The following CFAP20DC variants were observed in gnomAD, a reference collection of about 807,000 sequenced individuals.
The protein encoded by CFAP20DC is CFAP20 domain containing.
A neutral mutation model predicts 101.7 loss-of-function variants in CFAP20DC; 84 were observed. The observed-to-expected ratio is 0.83, with a 90% CI of 0.69 to 0.99. CFAP20DC has a LOEUF of 0.99. CFAP20DC is among the 50% of genes least tolerant of loss of function. The pLI is 0.00. For synonymous variants in CFAP20DC, 359 were observed against 351.2 expected (o/e 1.02, Z -0.25); for missense variants, 1,007 against 970.3 (o/e 1.04, Z -0.50).
chr3:59,036,412 C>A (rs188140706), intron 4 of CFAP20DC, among the ~76,000 whole-genome samples: 1,787 of 151,890 alleles, frequency 0.012, 35 homozygotes, highest in African/African-American at 0.041. Context: ...CGTCTCAGCC[C>A]AAAAACTTAA....
At chr3:58,965,189 G>T (rs575298110) in intron 4 of CFAP20DC, among the ~76,000 whole-genome samples, 25 of 152,220 alleles carry the variant, frequency 1.6e-4, no homozygotes, top group African/African-American at 5.3e-4. Flanking sequence ...AGACACCAAG[G>T]CTCGAAGGTG....
At chr3:58,877,632 G>A (rs571132214) in intron 7 of CFAP20DC, among the ~76,000 whole-genome samples, 13 of 152,310 alleles carry the variant, frequency 8.5e-5, no homozygotes, top group South Asian at 8.3e-4. Context: ...GCCTCTTTGT[G>A]TGTGTGTGTG....
intron 14 of CFAP20DC, among the ~76,000 whole-genome samples, chr3:58,810,710 T>G (rs200093181): frequency 0.067 from 9,193 of 138,112 alleles, 643 homozygotes; most frequent in East Asian, 0.24. Flanking sequence ...CCAGGGCAAT[T>G]AGGCAGGAGA....
At chr3:58,829,320 CAA>C (rs551685231) in intron 14 of CFAP20DC, among the ~76,000 whole-genome samples, 12 of 59,644 alleles carry the variant, frequency 2.0e-4, no homozygotes, top group Admixed American at 3.4e-4. Context: ...GACTCAGTCT[CAA>C]AAAAAAAAAA....
At chr3:58,937,558 TAAC>T in intron 5 of CFAP20DC, 87 bp downstream of exon 5, 3 of 821,840 alleles carry the variant, frequency 3.7e-6, no homozygotes, top group Non-Finnish European at 6.3e-6. Context: ...CCATCGTACT[TAAC>T]AAAGTACCTC....
chr3:59,038,680 A>C (rs2094145670), intron 4 of CFAP20DC, among the ~76,000 whole-genome samples: 1 of 152,094 alleles, frequency 6.6e-6, no homozygotes, highest in African/African-American at 2.4e-5. Context: ...GTGATCTTTC[A>C]TGTTGTAATT....
chr3:58,762,870 C>A (rs1044818342), intron 15 of CFAP20DC, among the ~76,000 whole-genome samples: 1 of 152,226 alleles, frequency 6.6e-6, no homozygotes, highest in Non-Finnish European at 1.5e-5. Flanking sequence ...TTGGCCCCCA[C>A]TCTCTTCTGG....
chr3:58,797,098 G>T (rs940560615), intron 15 of CFAP20DC, among the ~76,000 whole-genome samples: 1 of 152,160 alleles, frequency 6.6e-6, no homozygotes, highest in Non-Finnish European at 1.5e-5. Context: ...TAACCCTACA[G>T]TGGACCCTGA....
chr3:58,763,932 G>GT (rs1188706064), intron 15 of CFAP20DC, among the ~76,000 whole-genome samples: 1 of 152,226 alleles, frequency 6.6e-6, no homozygotes, highest in African/African-American at 2.4e-5. Flanking sequence ...GCCATGTGAG[G>GT]TGTCAGTCTG....
intron 4 of CFAP20DC, among the ~76,000 whole-genome samples, chr3:58,976,437 A>C (rs1051630366): frequency 6.6e-6 from 1 of 152,190 alleles, no homozygotes; most frequent in African/African-American, 2.4e-5. Flanking sequence ...GCACCAGCTG[A>C]GGAAAGCTAT....
intron 7 of CFAP20DC, among the ~76,000 whole-genome samples, chr3:58,878,779 A>AG (rs2080978677): frequency 6.6e-6 from 1 of 152,070 alleles, no homozygotes. Context: ...TGGGAGGCTG[A>AG]GGGGGGCGGA....
chr3:58,913,255 T>TG lies in CFAP20DC; in HGVS notation c.550+452dup, dbSNP rs1291398290. On this transcript the variant is annotated intron_variant, in intron 6 of 16. Coordinates refer to ENST00000482387, the MANE Select transcript of CFAP20DC (RefSeq NM_001394063.1). The surrounding 1 kb of genome is among the most constrained non-coding windows in gnomAD (Gnocchi z 4.4). The stretch of plus-strand genomic sequence containing the variant: ...GTATAGTTGCAGTAGCTACTGGCAG[T>TG]GGGTGGAGGTGGCAAATGGATGGGG... 1.3e-5 allele frequency among the ~76,000 whole-genome samples: 2 copies of TG among 152,080 alleles called. No individual in the cohort carries two copies. The highest frequency in any genetic ancestry group is 2.4e-5 in the African/African-American group (1 of 41,402).
At position 58,809,031 on chromosome 3, in the gene CFAP20DC, T is replaced by G. The variant is rs566079274; in HGVS notation, c.2176-2575A>C. Among the ~76,000 whole-genome samples the G allele has an allele frequency of 6.6e-5, 10 of 152,088 alleles. 1 individual carries two copies. In the South Asian group the frequency reaches 2.1e-3, roughly 32 times the overall value. On this transcript the variant is annotated intron_variant, in intron 14 of 16. Transcript: ENST00000482387. ...AAGAGCTAACTATCCTAAATATATA[T>G]GCACCCAATACAGGAGCACCCAGAT...
Position 58,913,993 on chromosome 3 carries a change from T to A in CFAP20DC, c.394-129A>T. Reference sequence around the variant, plus strand: ...TCAACAAGCCCCAAACTAATTTTCCTCTTTAGGTAAACTTATCTCTGTTTT... The same window carrying A: ...TCAACAAGCCCCAAACTAATTTTCCACTTTAGGTAAACTTATCTCTGTTTT... On this transcript the variant is annotated intron_variant, in intron 5 of 16. Transcript: ENST00000482387. This position sits in a 1 kb window ranked among gnomAD's most constrained non-coding sequence, Gnocchi z 4.4. 2.1e-6 allele frequency: 2 copies of A among 931,318 alleles called. No homozygotes were observed. The highest frequency in any genetic ancestry group is 1.6e-6 in the Non-Finnish European group (1 of 625,616). 57.7% of individuals were successfully genotyped at this position (931,318 alleles called of 1,614,324 possible). A position where few individuals can be genotyped will look rare whatever the true frequency, so the allele number is the denominator to read the frequency against.
At chr3:58,716,459 G>A (rs1369298910), downstream of CFAP20DC, among the ~76,000 whole-genome samples, 2 of 151,966 alleles carry the variant, frequency 1.3e-5, no homozygotes, top group African/African-American at 2.4e-5. Context: ...CACCGCGCCC[G>A]GCCTGCAGTC....
At chr3:58,806,963 C>T (rs543886994) in intron 14 of CFAP20DC, among the ~76,000 whole-genome samples, 2 of 152,164 alleles carry the variant, frequency 1.3e-5, no homozygotes, top group Non-Finnish European at 2.9e-5. Flanking sequence ...GTCTCACTGA[C>T]TGCTAGCACA....
At chr3:58,856,984 T>G (rs947710691) in intron 12 of CFAP20DC, among the ~76,000 whole-genome samples, 13 of 152,320 alleles carry the variant, frequency 8.5e-5, no homozygotes, top group Non-Finnish European at 1.8e-4. Flanking sequence ...GTATATGACG[T>G]AGGTAGAAAC....
At chr3:58,952,840 T>A (rs1405946820) in intron 4 of CFAP20DC, among the ~76,000 whole-genome samples, 2 of 152,124 alleles carry the variant, frequency 1.3e-5, no homozygotes, top group African/African-American at 4.8e-5. Context: ...ATTTGCTAAG[T>A]GGCCTTTTTT....
At chr3:58,850,641 C>T (rs1040367641) in intron 12 of CFAP20DC, among the ~76,000 whole-genome samples, 2 of 147,520 alleles carry the variant, frequency 1.4e-5, no homozygotes, top group African/African-American at 5.0e-5. Context: ...ACCAACCAAA[C>T]AAAATATATA....
Sources: gnomAD v4.1 joint callset for allele counts (sites outside exome capture counted in the v4.1 genomes callset) on GRCh38, gnomAD v4.1.1 for gene constraint, Gnocchi (gnomAD v3.1) non-coding constraint, MANE v1.5 for transcripts, NCBI Gene and HGNC (gene_info 2026-07-23, HGNC 2026-07-21) for gene names.